BRD10: variants seen among roughly 807,000 people sequenced by gnomAD.
BRD10 encodes bromodomain containing 10.
chr9:5,932,121 A>T, the BRD10 span, among the ~76,000 whole-genome samples: 4 of 152,218 alleles, frequency 2.6e-5, no homozygotes, highest in African/African-American at 9.6e-5. Context: ...ATGAGATGAT[A>T]ATCTGCCTTA....
At chr9:5,906,786 G>C in the BRD10 span, 1 of 715,490 alleles carries the variant, frequency 1.4e-6, no homozygotes. Flanking sequence ...GCAGAACCTA[G>C]ATTAAAACTC....
At chr9:5,922,019 G>A in the BRD10 span, 3 of 1,614,000 alleles carry the variant, frequency 1.9e-6, no homozygotes, top group African/African-American at 1.3e-5. Context: ...AGAAGTTGTT[G>A]ATTTTGGCAC....
the BRD10 span, chr9:5,906,864 C>CT: frequency 6.7e-7 from 1 of 1,485,048 alleles, no homozygotes; most frequent in Admixed American, 2.3e-5. Context: ...ACCCACTCAC[C>CT]TTTATCAATT....
chr9:5,907,716 G>A, the BRD10 span, among the ~76,000 whole-genome samples: 1 of 152,220 alleles, frequency 6.6e-6, no homozygotes, highest in Admixed American at 6.5e-5. Flanking sequence ...ACTTCGGGAG[G>A]CCGAGGTGGG....
At chr9:6,003,103 T>C in the BRD10 span, among the ~76,000 whole-genome samples, 1 of 152,346 alleles carries the variant, frequency 6.6e-6, no homozygotes, top group South Asian at 2.1e-4. Flanking sequence ...ACATGTACCA[T>C]TTTTTAACAG....
chr9:5,996,481 G>C, the BRD10 span, among the ~76,000 whole-genome samples: 10 of 152,002 alleles, frequency 6.6e-5, no homozygotes, highest in African/African-American at 2.4e-4. Context: ...ACTATGCCTG[G>C]CTAATTTTTG....
chr9:5,896,586 A>G, the BRD10 span, among the ~76,000 whole-genome samples: 1 of 152,288 alleles, frequency 6.6e-6, no homozygotes, highest in South Asian at 2.1e-4. Flanking sequence ...CTTGTAAGTC[A>G]CTCAGCTCTG....
the BRD10 span, among the ~76,000 whole-genome samples, chr9:5,930,532 T>G: frequency 1.3e-5 from 2 of 151,980 alleles, no homozygotes; most frequent in Non-Finnish European, 2.9e-5. Context: ...ACCTCTGAGG[T>G]TTTTATATCT....
chr9:5,929,024 G>T, the BRD10 span: 1 of 1,301,132 alleles, frequency 7.7e-7, no homozygotes, highest in Non-Finnish European at 1.1e-6. Context: ...AAGTAAAACA[G>T]ATTATAACAT....
the BRD10 span, among the ~76,000 whole-genome samples, chr9:5,953,474 A>C: frequency 6.6e-6 from 1 of 152,218 alleles, no homozygotes; most frequent in East Asian, 1.9e-4. Context: ...GAAATGTTTA[A>C]AGACCATTTC....
chr9:5,966,253 A>C, the BRD10 span, among the ~76,000 whole-genome samples: 2 of 152,152 alleles, frequency 1.3e-5, no homozygotes, highest in Admixed American at 1.3e-4. Flanking sequence ...CTGGATACAA[A>C]ACTCCTCCTC....
the BRD10 span, among the ~76,000 whole-genome samples, chr9:5,923,743 C>G: frequency 1.3e-5 from 2 of 152,108 alleles, no homozygotes; most frequent in Non-Finnish European, 2.9e-5. Context: ...TCTAGAGACT[C>G]TAAAGGACAA....
At chr9:5,964,926 G>T in the BRD10 span, among the ~76,000 whole-genome samples, 1 of 127,226 alleles carries the variant, frequency 7.9e-6, no homozygotes, top group South Asian at 2.7e-4. Context: ...GGAGGGGGGA[G>T]GGAGAGCATT....
the BRD10 span, among the ~76,000 whole-genome samples, chr9:6,001,199 CTGTT>C: frequency 6.6e-6 from 1 of 152,192 alleles, no homozygotes; most frequent in African/African-American, 2.4e-5. Flanking sequence ...TCTATTCCTA[CTGTT>C]TATTATCTCT....
chr9:6,007,044 C>G, the BRD10 span: 1 of 779,150 alleles, frequency 1.3e-6, no homozygotes, highest in Non-Finnish European at 2.0e-6. Context: ...CCGGTCCCCG[C>G]CCAGCGCCGC....
At chr9:5,939,498 C>T in the BRD10 span, among the ~76,000 whole-genome samples, 8 of 152,106 alleles carry the variant, frequency 5.3e-5, no homozygotes, top group Non-Finnish European at 1.0e-4. Context: ...GATGGAATCA[C>T]GAAAGGTAAA....
chr9:5,960,337 C>T, the BRD10 span, among the ~76,000 whole-genome samples: 4 of 151,818 alleles, frequency 2.6e-5, no homozygotes, highest in Admixed American at 1.3e-4. Flanking sequence ...CGAGGTGGGC[C>T]GATCACCTGA....
At chr9:5,895,257 G>A in the BRD10 span, among the ~76,000 whole-genome samples, 25 of 152,082 alleles carry the variant, frequency 1.6e-4, no homozygotes, top group African/African-American at 4.8e-4. Context: ...GAAGGAGATC[G>A]GTCCAGAAAA....
chr9:5,989,366 G>C, the BRD10 span, among the ~76,000 whole-genome samples: 2 of 149,206 alleles, frequency 1.3e-5, no homozygotes, highest in African/African-American at 4.9e-5. Context: ...GGGAGGTTGA[G>C]GCTGCAATGA....
Sources: allele counts gnomAD v4.1 joint callset (sites outside exome capture counted in the v4.1 genomes callset), GRCh38; gene constraint gnomAD v4.1.1; transcripts MANE v1.5; gene names NCBI Gene and HGNC (gene_info 2026-07-23, HGNC 2026-07-21).